The following FRMPD4 variants were observed in gnomAD, a reference collection of about 807,000 sequenced individuals.
FRMPD4 encodes the protein FERM and PDZ domain containing 4.
A neutral mutation model predicts 94.1 loss-of-function variants in FRMPD4; 22 were observed. The observed-to-expected ratio is 0.23, with a 90% confidence interval of 0.17 to 0.33. The LOEUF is 0.33. Ranked by LOEUF, FRMPD4 falls within the 10% of genes least tolerant of loss-of-function variation. The pLI is 1.00. For synonymous variants in FRMPD4, 631 were observed against 548.6 expected (o/e 1.15, Z -2.10); for missense variants, 1,111 against 1,339.9 (o/e 0.83, Z 2.67).
intron 3 of FRMPD4, among the ~76,000 whole-genome samples, chrX:12,057,947 GTT>G (rs1423535935): frequency 9.0e-6 from 1 of 111,077 alleles, no homozygotes; most frequent in African/African-American, 3.3e-5. Flanking sequence ...TTACTAGACA[GTT>G]TAGATAAAAA....
chrX:12,100,631 A>G (rs2055247750), intron 3 of FRMPD4, among the ~76,000 whole-genome samples: 1 of 111,897 alleles, frequency 8.9e-6, no homozygotes, highest in African/African-American at 3.2e-5. Context: ...TGTTTTCTAA[A>G]AGCTTTTATG....
chrX:12,652,259 A>G (rs1322431131), intron 4 of FRMPD4, among the ~76,000 whole-genome samples: 1 of 112,440 alleles, frequency 8.9e-6, no homozygotes, highest in African/African-American at 3.2e-5. Context: ...TCTATATAAT[A>G]GCTGCCCTGC....
chrX:12,418,354 T>C (rs1372705046), intron 1 of FRMPD4, among the ~76,000 whole-genome samples: 2 of 102,456 alleles, frequency 2.0e-5, no homozygotes, highest in Non-Finnish European at 4.0e-5. Flanking sequence ...TTCTTTCTTT[T>C]TTTTTTTTTT....
intron 1 of FRMPD4, among the ~76,000 whole-genome samples, chrX:12,365,627 C>T (rs974291495): frequency 1.8e-5 from 2 of 111,336 alleles, no homozygotes; most frequent in Non-Finnish European, 3.8e-5. Flanking sequence ...CATACTCCCA[C>T]GATTTCATGG....
At chrX:12,005,575 T>C (rs1444560762) in intron 3 of FRMPD4, among the ~76,000 whole-genome samples, 92 of 107,766 alleles carry the variant, frequency 8.5e-4, no homozygotes, top group African/African-American at 2.6e-3. Flanking sequence ...AACCATTCTG[T>C]AGAATTTTAT....
chrX:12,097,464 T>C (rs760602009), intron 3 of FRMPD4, among the ~76,000 whole-genome samples: 99 of 112,424 alleles, frequency 8.8e-4, no homozygotes, highest in African/African-American at 2.9e-3. Context: ...TTCAATAGTT[T>C]TCCGTTTATT....
At position 12,024,493 on chromosome X, in the gene FRMPD4, T is replaced by G. The variant is rs766445793; in HGVS notation, c.95+146475T>G. 1.3e-4 allele frequency among the ~76,000 whole-genome samples: 15 copies of G among 112,125 alleles called. No individual in the cohort carries two copies. In the South Asian group the frequency reaches 3.0e-3, roughly 22 times the overall value. On this transcript the variant is annotated intron_variant, in intron 3 of 18. Transcript: ENST00000640291. ...CCAAATCTTGTCAAATTTTGTTAAT[T>G]TAAAACTTTCACTATGACACATTTT...
At chrX:12,709,855 C>T (rs1343713690) in intron 13 of FRMPD4, among the ~76,000 whole-genome samples, 1 of 111,114 alleles carries the variant, frequency 9.0e-6, no homozygotes, top group Non-Finnish European at 1.9e-5. Context: ...GGTCCAGGTG[C>T]GGTGGCTCAC....
chrX:12,147,833 T>G (rs2055791349), intron 1 of FRMPD4, among the ~76,000 whole-genome samples: 1 of 112,313 alleles, frequency 8.9e-6, no homozygotes, highest in Admixed American at 9.5e-5. Context: ...ATTATTATTA[T>G]ATCTGTTATG....
At chrX:12,128,963 T>TACC in intron 3 of FRMPD4, among the ~76,000 whole-genome samples, 1 of 111,945 alleles carries the variant, frequency 8.9e-6, no homozygotes, top group Middle Eastern at 4.6e-3. Context: ...CAGCCTGGAC[T>TACC]TCATTGTCCG....
intron 3 of FRMPD4, among the ~76,000 whole-genome samples, chrX:11,953,692 C>G (rs182157986): frequency 1.3e-3 from 147 of 111,388 alleles, no homozygotes; most frequent in Non-Finnish European, 2.3e-3. Context: ...AAGAACCAGA[C>G]ATGGGGAGAG....
At chrX:12,013,803 C>A (rs1293894405) in intron 3 of FRMPD4, among the ~76,000 whole-genome samples, 1 of 112,915 alleles carries the variant, frequency 8.9e-6, no homozygotes, top group Non-Finnish European at 1.9e-5. Flanking sequence ...CAAATGTTTC[C>A]CTTCAGCTGT....
intron 2 of FRMPD4, among the ~76,000 whole-genome samples, chrX:12,555,865 G>C (rs187805439): frequency 4.5e-5 from 5 of 111,585 alleles, no homozygotes; most frequent in African/African-American, 1.3e-4. Context: ...CCATGCAAAG[G>C]TTTACCCACT....
chrX:11,893,136 G>T (rs2053884200), intron 3 of FRMPD4, among the ~76,000 whole-genome samples: 1 of 111,257 alleles, frequency 9.0e-6, no homozygotes, highest in Non-Finnish European at 1.9e-5. Flanking sequence ...TCTTTATTTG[G>T]ATTTCACCAG....
intron 1 of FRMPD4, among the ~76,000 whole-genome samples, chrX:12,281,342 G>A (rs5978509): frequency 0.094 from 10,353 of 109,700 alleles, 401 homozygotes; most frequent in Admixed American, 0.17. Context: ...ATAATTCCAA[G>A]CCAGTTAAGT....
At chrX:12,466,087 C>G (rs1341785347) in intron 1 of FRMPD4, among the ~76,000 whole-genome samples, 1 of 111,317 alleles carries the variant, frequency 9.0e-6, no homozygotes, top group South Asian at 3.8e-4. Context: ...TGTTTTTTGA[C>G]TTTTTATTCC....
intron 4 of FRMPD4, among the ~76,000 whole-genome samples, chrX:12,648,548 G>A (rs754505464): frequency 1.8e-5 from 2 of 112,051 alleles, no homozygotes; most frequent in South Asian, 3.8e-4. Flanking sequence ...GCCCTGCCAG[G>A]TGAAGTGGGT....
intron 2 of FRMPD4, among the ~76,000 whole-genome samples, chrX:12,604,836 C>T (rs1195512032): frequency 1.8e-5 from 2 of 111,164 alleles, no homozygotes; most frequent in Non-Finnish European, 3.8e-5. Flanking sequence ...CTCAAGTAGG[C>T]CCCCGTGTGT....
Position 12,304,680 on chromosome X carries a change from G to C in FRMPD4, c.41+165668G>C, listed in dbSNP as rs191860242. On this transcript the variant is annotated intron_variant, in intron 1 of 16. Coordinates refer to ENST00000675598, the MANE Select transcript of FRMPD4 (RefSeq NM_001368397.1). Reference sequence around the variant, plus strand: ...TCCTCGCCTGCTTCAGCCCAGTGGAGCCATTTAAGGCAGCCCTTCCCGTCA... The same window carrying C: ...TCCTCGCCTGCTTCAGCCCAGTGGACCCATTTAAGGCAGCCCTTCCCGTCA... Among the ~76,000 whole-genome samples, 68 of 111,850 alleles carry C rather than the reference G, an allele frequency of 6.1e-4. 1 individual carries two copies. Among genetic ancestry groups the C allele is most frequent in the African/African-American group, 2.1e-3 (66 of 30,777 alleles).
Sources: gnomAD v4.1 joint callset for allele counts (sites outside exome capture counted in the v4.1 genomes callset) on GRCh38, gnomAD v4.1.1 for gene constraint, MANE v1.5 for transcripts, NCBI Gene and HGNC (gene_info 2026-07-23, HGNC 2026-07-21) for gene names.